Variants in C4BPB observed in about 807,000 individuals in gnomAD.
C4BPB encodes the protein complement component 4 binding protein beta.
A neutral mutation model predicts 26.6 loss-of-function variants in C4BPB; 19 were observed. That is an observed-to-expected ratio of 0.71 (90% CI 0.50 to 1.05). The LOEUF is 1.05. Among genes scored for constraint, C4BPB ranks in the 50% least tolerant of loss-of-function variants. The probability of loss-of-function intolerance (pLI) is 0.00; values close to 1 mark genes in which losing one functional copy is unlikely to be tolerated. For synonymous variants in C4BPB, 118 were observed against 103.5 expected, an observed-to-expected ratio of 1.14 and a Z score of -0.85; for missense variants, 282 against 302.9, an observed-to-expected ratio of 0.93 and a Z score of 0.51.
At chr1:207,089,656 T>C in intron 2 of C4BPB, 67 bp downstream of exon 2, 1 of 1,310,370 alleles carries the variant, frequency 7.6e-7, no homozygotes, top group Non-Finnish European at 1.1e-6. Flanking sequence ...TTTGAGGAAC[T>C]CTGTCTAGGG....
intron 4 of C4BPB, 25 bp downstream of exon 4, chr1:207,091,845 G>A: frequency 6.3e-7 from 1 of 1,588,890 alleles, no homozygotes; most frequent in East Asian, 2.2e-5. Context: ...AACCATCAAG[G>A]ATCCCCAAAA....
intron 4 of C4BPB, among the ~76,000 whole-genome samples, chr1:207,094,082 G>A (rs986590643): frequency 1.3e-5 from 2 of 152,154 alleles, no homozygotes; most frequent in Non-Finnish European, 2.9e-5. Context: ...TGAAAAGATG[G>A]ATTTAATTTA....
chr1:207,096,419 T>C, intron 4 of C4BPB, 103 bp from the exon 5 acceptor site: 5 of 750,076 alleles, frequency 6.7e-6, no homozygotes, highest in Admixed American at 5.7e-5. Context: ...CAGGTGTTGC[T>C]CTGAGGCTGT....
Position 207,091,682 on chromosome 1 carries a change from T to C in C4BPB, c.271T>C (p.Phe91Leu), listed in dbSNP as rs774661287. The C allele has an allele frequency of 3.1e-6, 5 of 1,614,016 alleles. No homozygotes were observed. The South Asian group carries it at 5.5e-5, about 18-fold the overall frequency. The change falls in exon 4 of 7, where the codon TTC becomes CTC. Residue 91 changes from phenylalanine to leucine, a missense_variant. By Grantham distance (22) the Phe-to-Leu change is conservative. Transcript: ENST00000367078. Reference sequence around the variant, plus strand: ...TGATCCTGTGCTGGTGAATGGAGAGTTCAGTTCTTCAGGGCCTGTGAATGT... The same window carrying C: ...TGATCCTGTGCTGGTGAATGGAGAGCTCAGTTCTTCAGGGCCTGTGAATGT... ...CPDPVLVNGE[F>L]SSSGPVNVSD...
Position 207,099,933 on chromosome 1 carries a change from T to A in C4BPB, c.*4T>A. 1 of 1,609,162 alleles carries A rather than the reference T, an allele frequency of 6.2e-7. No homozygotes were observed. The highest frequency in any genetic ancestry group is 8.5e-7 in the Non-Finnish European group (1 of 1,178,244). Reference sequence around the variant, plus strand: ...GTTGAAGGCAAAATTGTTGTAACACTACAGCTGAGCAGATGTAATAGAAAT... The same window carrying A: ...GTTGAAGGCAAAATTGTTGTAACACAACAGCTGAGCAGATGTAATAGAAAT... On this transcript the variant is annotated 3_prime_UTR_variant, in exon 7 of 7. Coordinates refer to ENST00000367078, the MANE Select transcript of C4BPB (RefSeq NM_001017365.3).
At chr1:207,093,716 C>A (rs918337123) in intron 4 of C4BPB, among the ~76,000 whole-genome samples, 2 of 152,048 alleles carry the variant, frequency 1.3e-5, no homozygotes, top group Non-Finnish European at 1.5e-5. Flanking sequence ...CCTTCCTAAG[C>A]AGTTTCATAA....
chr1:207,091,218 C>T lies in C4BPB; in HGVS notation c.233-426C>T, dbSNP rs569674737. Among the ~76,000 whole-genome samples, 10 of 152,264 alleles carry T rather than the reference C, an allele frequency of 6.6e-5. 1 individual carries two copies. Among genetic ancestry groups the T allele is most frequent in the African/African-American group, 2.4e-4 (10 of 41,560 alleles). ...ACTCATATATCCCTGTGCATTCTCTCCTGTTTTTTTCCATGCCATGGGAAA... is the reference window on the plus strand; with the variant it reads ...ACTCATATATCCCTGTGCATTCTCTTCTGTTTTTTTCCATGCCATGGGAAA... On this transcript the variant is annotated intron_variant, in intron 3 of 6. Transcript: ENST00000367078.
intron 4 of C4BPB, among the ~76,000 whole-genome samples, chr1:207,092,362 A>G (rs1364426880): frequency 6.6e-6 from 1 of 152,156 alleles, no homozygotes; most frequent in African/African-American, 2.4e-5. Context: ...TTTTGTGTGT[A>G]TGTATATATA....
At chr1:207,095,010 T>A in intron 4 of C4BPB, 1 of 255,670 alleles carries the variant, frequency 3.9e-6, no homozygotes, top group East Asian at 1.3e-4. Flanking sequence ...TCTTTCATCA[T>A]CTGCTGTTTT....
At chr1:207,091,233 G>A (rs1684011885) in intron 3 of C4BPB, among the ~76,000 whole-genome samples, 1 of 151,856 alleles carries the variant, frequency 6.6e-6, no homozygotes, top group African/African-American at 2.4e-5. Flanking sequence ...TTTTTTCCAT[G>A]CCATGGGAAA....
chr1:207,096,415 T>C, intron 4 of C4BPB, 107 bp from the exon 5 acceptor site: 1 of 737,136 alleles, frequency 1.4e-6, no homozygotes, highest in South Asian at 1.5e-5. Flanking sequence ...GGCGCAGGTG[T>C]TGCTCTGAGG....
Position 207,089,936 on chromosome 1 carries a change from T to A in C4BPB, c.58+347T>A, listed in dbSNP as rs530750118. On this transcript the variant is annotated intron_variant, in intron 2 of 6. Coordinates refer to ENST00000367078, the MANE Select transcript of C4BPB (RefSeq NM_001017365.3). Reference sequence around the variant, plus strand: ...TTGTTTAGAAGTGGACAACTTGTGGTTGAATTTGAGTAAAATTCCTGTTAT... The same window carrying A: ...TTGTTTAGAAGTGGACAACTTGTGGATGAATTTGAGTAAAATTCCTGTTAT... Among the ~76,000 whole-genome samples the A allele has an allele frequency of 3.9e-5, 6 of 152,346 alleles. No homozygotes were observed. The South Asian group carries it at 1.2e-3, about 32-fold the overall frequency.
At chr1:207,095,332 C>T (rs1684201350) in intron 4 of C4BPB, 2 of 456,562 alleles carry the variant, frequency 4.4e-6, no homozygotes, top group African/African-American at 2.0e-5. Context: ...ATGTTCTCCC[C>T]TATTTCTTTT....
At chr1:207,094,736 C>T (rs768906082) in intron 4 of C4BPB, among the ~76,000 whole-genome samples, 4 of 152,208 alleles carry the variant, frequency 2.6e-5, no homozygotes, top group Admixed American at 6.5e-5. Flanking sequence ...ATCCCCCAAA[C>T]AACTCCTGGA....
intron 4 of C4BPB, among the ~76,000 whole-genome samples, chr1:207,093,493 A>G (rs1050906932): frequency 1.9e-4 from 29 of 152,342 alleles, no homozygotes; most frequent in African/African-American, 6.7e-4. Flanking sequence ...ATAGGTACAT[A>G]TAAGTAGAAC....
At chr1:207,092,451 T>C (rs1684068118) in intron 4 of C4BPB, among the ~76,000 whole-genome samples, 1 of 152,102 alleles carries the variant, frequency 6.6e-6, no homozygotes, top group Non-Finnish European at 1.5e-5. Context: ...ACATGGCCAC[T>C]TTCCTACACC....
Position 207,089,203 on chromosome 1 carries a change from G to A in C4BPB, c.-51+257G>A, listed in dbSNP as rs1572749692. The A allele has an allele frequency of 2.6e-5, 8 of 312,282 alleles. No individual in the cohort carries two copies. The East Asian group carries it at 5.3e-4, about 21-fold the overall frequency. The allele number at this position is 312,282 out of a possible 1,614,324, so 19.3% of individuals were successfully genotyped here. A position where few individuals can be genotyped will look rare whatever the true frequency, so the allele number is the denominator to read the frequency against. ...GCCCATGTTTGTTGGGGAAGGATAA[G>A]CCTGCGTTTCAAAAAGACTGGTCAA... is the stretch of plus-strand genomic sequence containing the variant. On this transcript the variant is annotated intron_variant, in intron 1 of 6. Transcript: ENST00000367078.
chr1:207,090,240 G>T, intron 2 of C4BPB, 68 bp from the exon 3 acceptor site: 1 of 1,228,370 alleles, frequency 8.1e-7, no homozygotes, highest in East Asian at 2.5e-5. Flanking sequence ...TGAGAATGGG[G>T]AAATCTAATA....
Position 207,099,946 on chromosome 1 carries a change from A to C in C4BPB, c.*17A>C. On this transcript the variant is annotated 3_prime_UTR_variant, in exon 7 of 7. Transcript: ENST00000367078. ...TTGTTGTAACACTACAGCTGAGCAG[A>C]TGTAATAGAAATAAACCTATGAATA... is the stretch of plus-strand genomic sequence containing the variant. The C allele has an allele frequency of 6.3e-7, 1 of 1,591,722 alleles. No homozygotes were observed. Among genetic ancestry groups the C allele is most frequent in the Non-Finnish European group, 8.5e-7 (1 of 1,171,228 alleles).
Sources: allele counts gnomAD v4.1 joint callset (sites outside exome capture counted in the v4.1 genomes callset), GRCh38; gene constraint gnomAD v4.1.1; transcripts MANE v1.5; gene names NCBI Gene and HGNC (gene_info 2026-07-23, HGNC 2026-07-21).